The following UNC79 variants were observed in gnomAD, a reference collection of about 807,000 sequenced individuals.
The protein encoded by UNC79 is protein unc-79 homolog.
A neutral mutation model predicts 283.1 loss-of-function variants in UNC79; 37 were observed. The observed-to-expected ratio is 0.13, with a 90% CI of 0.10 to 0.17. The LOEUF is 0.17. UNC79 is among the 10% of genes least tolerant of loss of function. The probability of loss-of-function intolerance (pLI) is 1.00; values close to 1 mark genes in which losing one functional copy is unlikely to be tolerated. For missense variants in UNC79, 2,272 were observed against 3,211.1 expected, an observed-to-expected ratio of 0.71 and a Z score of 7.07; for synonymous variants, 1,107 against 1,200.2, an observed-to-expected ratio of 0.92 and a Z score of 1.61.
At chr14:93,689,958 G>T in intron 44 of UNC79, 159 bp from the exon 48 acceptor site, 1 of 704,430 alleles carries the variant, frequency 1.4e-6, no homozygotes, top group South Asian at 2.0e-5. Context: ...AAGAAAAACA[G>T]ATATATCATT....
chr14:93,586,753 T>G lies in UNC79; in HGVS notation c.2884-7T>G, dbSNP rs1194309710. The G allele has an allele frequency of 1.2e-6, 2 of 1,613,450 alleles. No homozygotes were observed. Among genetic ancestry groups the G allele is most frequent in the Non-Finnish European group, 1.7e-6 (2 of 1,179,848 alleles). ...ATAACTTAGTAACCATGTGGTTTTT[T>G]GTATAGGAAATGGCTAAGTTTGAAG... is the stretch of plus-strand genomic sequence containing the variant. On this transcript the variant is annotated splice_region_variant and splice_polypyrimidine_tract_variant and intron_variant, in intron 21 of 48. Coordinates refer to ENST00000555664, the Ensembl canonical transcript of UNC79.
At chr14:93,351,175 T>A (rs911048637) in intron 1 of UNC79, among the ~76,000 whole-genome samples, 10 of 152,142 alleles carry the variant, frequency 6.6e-5, no homozygotes, top group African/African-American at 2.4e-4. Context: ...GGTACTTGGC[T>A]TAAAAAAATG....
At chr14:93,483,735 T>A (rs559759407) in intron 4 of UNC79, among the ~76,000 whole-genome samples, 1 of 137,200 alleles carries the variant, frequency 7.3e-6, no homozygotes, top group South Asian at 2.5e-4. Flanking sequence ...TTCCGCATCC[T>A]GGGTCCAGGT....
intron 38 of UNC79, 49 bp downstream of exon 41, chr14:93,655,456 A>G (rs1303709938): frequency 1.3e-6 from 2 of 1,594,098 alleles, no homozygotes; most frequent in Non-Finnish European, 1.7e-6. Flanking sequence ...TACCATTTTC[A>G]GACCGTTTAT....
At chr14:93,663,763 T>C (rs578046336) in intron 40 of UNC79, among the ~76,000 whole-genome samples, 9 of 152,296 alleles carry the variant, frequency 5.9e-5, no homozygotes, top group African/African-American at 1.9e-4. Context: ...AACTTCTTCT[T>C]CTTTTTCACT....
exon 49 of UNC79, chr14:93,706,779 C>G: frequency 6.2e-7 from 1 of 1,614,262 alleles, no homozygotes; most frequent in Non-Finnish European, 8.5e-7. Flanking sequence ...AAGGACGCTG[C>G]CGGGCTCGGG....
chr14:93,525,518 C>T lies in UNC79; in HGVS notation c.963+1476C>T, dbSNP rs927649104. Among the ~76,000 whole-genome samples the T allele has an allele frequency of 3.9e-5, 6 of 152,022 alleles. No homozygotes were observed. In the South Asian group the frequency reaches 1.0e-3, roughly 26 times the overall value. ...TAGGCCCTTCCCATTCTACTGTGTGCACCCCACTGTTGACCTTCAATAGAC... is the reference window on the plus strand; with the variant it reads ...TAGGCCCTTCCCATTCTACTGTGTGTACCCCACTGTTGACCTTCAATAGAC... On this transcript the variant is annotated intron_variant, in intron 8 of 48. Transcript: ENST00000555664.
At chr14:93,591,745 C>T (rs530797300) in intron 22 of UNC79, among the ~76,000 whole-genome samples, 72 of 152,314 alleles carry the variant, frequency 4.7e-4, no homozygotes, top group African/African-American at 1.7e-3. Context: ...AGTGGCACTT[C>T]GTATGGGACC....
intron 1 of UNC79, among the ~76,000 whole-genome samples, chr14:93,441,248 C>T (rs2056289226): frequency 1.3e-5 from 2 of 151,664 alleles, no homozygotes; most frequent in South Asian, 2.1e-4. Context: ...AGATTATGAC[C>T]CCGTTTTCTT....
At chr14:93,704,818 C>A (rs760922963) in intron 48 of UNC79, 152 bp downstream of exon 51, 5 of 957,922 alleles carry the variant, frequency 5.2e-6, no homozygotes, top group Non-Finnish European at 8.1e-6. Flanking sequence ...GACCTGTGGG[C>A]CAGGTAAGGG....
chr14:93,593,004 T>A (rs2064808758), intron 22 of UNC79, among the ~76,000 whole-genome samples: 1 of 152,192 alleles, frequency 6.6e-6, no homozygotes, highest in African/African-American at 2.4e-5. Context: ...TCATTGGCAG[T>A]TGCAGGCTGA....
At chr14:93,419,772 A>G (rs1299284164) in intron 1 of UNC79, among the ~76,000 whole-genome samples, 1 of 151,660 alleles carries the variant, frequency 6.6e-6, no homozygotes, top group African/African-American at 2.4e-5. Flanking sequence ...AAATTAAATC[A>G]TGCTATCATG....
intron 1 of UNC79, among the ~76,000 whole-genome samples, chr14:93,442,198 G>A (rs2056324033): frequency 1.3e-5 from 2 of 152,064 alleles, no homozygotes; most frequent in Admixed American, 1.3e-4. Context: ...AATGATTGCA[G>A]TATGTCCTTT....
chr14:93,456,320 A>C (rs10149954), intron 1 of UNC79, among the ~76,000 whole-genome samples: 96,343 of 151,858 alleles, frequency 0.63, 31,151 homozygotes, highest in Middle Eastern at 0.77. Context: ...GTGAGAAATT[A>C]TATGAAAATA....
rs142034604 is a variant in UNC79 at position 93,408,237 on chromosome 14, C to T, written c.-350-59434C>T. The stretch of plus-strand genomic sequence containing the variant: ...AAAGTGGACAGCAAAGAAGAACACA[C>T]GAGTAATATAAGTAGAGAGATGGAA... On this transcript the variant is annotated intron_variant, in intron 1 of 49. Transcript: ENST00000256339. 5.9e-4 allele frequency among the ~76,000 whole-genome samples: 90 copies of T among 151,986 alleles called. 1 individual carries two copies. In the East Asian group the frequency reaches 0.014, roughly 23 times the overall value.
intron 40 of UNC79, among the ~76,000 whole-genome samples, chr14:93,671,795 C>T (rs1046950192): frequency 1.3e-5 from 2 of 151,900 alleles, no homozygotes; most frequent in East Asian, 3.9e-4. Context: ...CAAACAACAA[C>T]AACAACAAAA....
intron 47 of UNC79, among the ~76,000 whole-genome samples, chr14:93,704,409 A>C (rs563055674): frequency 3.3e-5 from 5 of 152,180 alleles, no homozygotes; most frequent in Non-Finnish European, 1.5e-5. Context: ...TATCTCAGGC[A>C]CTCATGGGGC....
intron 26 of UNC79, among the ~76,000 whole-genome samples, chr14:93,604,032 A>G: frequency 6.6e-6 from 1 of 152,230 alleles, no homozygotes; most frequent in Non-Finnish European, 1.5e-5. Flanking sequence ...GTCTTTCTTT[A>G]TATTATAGTT....
At chr14:93,340,022 A>T (rs2053669977) in intron 1 of UNC79, among the ~76,000 whole-genome samples, 1 of 152,176 alleles carries the variant, frequency 6.6e-6, no homozygotes, top group African/African-American at 2.4e-5. Context: ...AAAATGTTTG[A>T]CCTTGTAGAA....
Sources: allele counts gnomAD v4.1 joint callset (sites outside exome capture counted in the v4.1 genomes callset), GRCh38; gene constraint gnomAD v4.1.1; transcripts MANE v1.5; gene names NCBI Gene and HGNC (gene_info 2026-07-23, HGNC 2026-07-21).